Variants in IL1RAPL1 observed in about 807,000 individuals in gnomAD.
The protein encoded by IL1RAPL1 is interleukin-1 receptor accessory protein-like 1.
In IL1RAPL1, 3 loss-of-function variants were observed where a neutral mutation model predicts 48.4. The observed-to-expected ratio is 0.06, with a 90% CI of 0.03 to 0.16. The LOEUF (loss-of-function observed/expected upper bound fraction) is 0.16. Ranked by LOEUF, IL1RAPL1 falls within the 10% of genes least tolerant of loss-of-function variation. The pLI, the probability that IL1RAPL1 is intolerant of heterozygous loss-of-function variation, is 1.00. For missense variants in IL1RAPL1, 349 were observed against 530.6 expected (o/e 0.66, Z 3.36); for synonymous variants, 185 against 187.7 (o/e 0.99, Z 0.12).
intron 1 of IL1RAPL1, among the ~76,000 whole-genome samples, chrX:28,676,794 A>G (rs1050891106): frequency 9.1e-6 from 1 of 109,449 alleles, no homozygotes; most frequent in African/African-American, 3.3e-5. Flanking sequence ...TTTCTTGAGG[A>G]CTTATATTGT....
intron 2 of IL1RAPL1, among the ~76,000 whole-genome samples, chrX:28,903,772 C>T (rs1923145350): frequency 9.0e-6 from 1 of 110,754 alleles, no homozygotes; most frequent in Non-Finnish European, 1.9e-5. Flanking sequence ...TACCTATATG[C>T]ATATATTCTA....
At chrX:29,474,380 A>T (rs189296082) in intron 5 of IL1RAPL1, among the ~76,000 whole-genome samples, 1 of 112,468 alleles carries the variant, frequency 8.9e-6, no homozygotes, top group African/African-American at 3.2e-5. Flanking sequence ...AACCTGGAGT[A>T]AACTGCCTCA....
chrX:29,328,539 A>G (rs1186082552), intron 3 of IL1RAPL1, among the ~76,000 whole-genome samples: 1 of 110,580 alleles, frequency 9.0e-6, no homozygotes. Context: ...TGGAAAGAAA[A>G]GAAAGTAGAC....
At chrX:29,546,820 G>A (rs746503623) in intron 5 of IL1RAPL1, among the ~76,000 whole-genome samples, 1 of 112,074 alleles carries the variant, frequency 8.9e-6, no homozygotes, top group South Asian at 3.7e-4. Context: ...GCCAGTTCTT[G>A]CTTTTGAAAA....
At chrX:29,248,120 A>C (rs776295649) in intron 2 of IL1RAPL1, among the ~76,000 whole-genome samples, 3 of 112,161 alleles carry the variant, frequency 2.7e-5, no homozygotes, top group Non-Finnish European at 5.6e-5. Context: ...AAACACAAAC[A>C]AATAGAAAGT....
intron 2 of IL1RAPL1, among the ~76,000 whole-genome samples, chrX:28,917,133 T>C (rs1460667155): frequency 8.9e-6 from 1 of 111,970 alleles, no homozygotes; most frequent in Non-Finnish European, 1.9e-5. Flanking sequence ...CATTTGAATG[T>C]ATTTTAACTG....
At chrX:28,951,432 T>A (rs990364751) in intron 2 of IL1RAPL1, among the ~76,000 whole-genome samples, 1 of 88,377 alleles carries the variant, frequency 1.1e-5, no homozygotes, top group African/African-American at 4.5e-5. Context: ...AAAAAAAAAA[T>A]TGTCAACTAC....
chrX:29,711,189 C>T (rs200306537), intron 6 of IL1RAPL1, among the ~76,000 whole-genome samples: 8,652 of 91,199 alleles, frequency 0.095, 328 homozygotes, highest in Middle Eastern at 0.28. Flanking sequence ...TTTTTCTTTT[C>T]TTTTTTTTTT....
intron 5 of IL1RAPL1, among the ~76,000 whole-genome samples, chrX:29,526,591 C>A (rs768441484): frequency 9.0e-6 from 1 of 111,222 alleles, no homozygotes; most frequent in East Asian, 2.8e-4. Context: ...AGACAAAATT[C>A]GACAGCTACC....
intron 3 of IL1RAPL1, among the ~76,000 whole-genome samples, chrX:29,323,720 T>C (rs1932821663): frequency 3.1e-4 from 1 of 3,260 alleles, no homozygotes; most frequent in African/African-American, 1.8e-3. Flanking sequence ...TTTTTATATA[T>C]ATATATATAT....
At chrX:29,943,938 T>A (rs1367869911) in intron 9 of IL1RAPL1, among the ~76,000 whole-genome samples, 4 of 111,700 alleles carry the variant, frequency 3.6e-5, no homozygotes, top group Non-Finnish European at 7.5e-5. Context: ...ATGTTTTAAG[T>A]AAGAAAACAA....
At chrX:29,781,505 C>T (rs1929335366) in intron 6 of IL1RAPL1, among the ~76,000 whole-genome samples, 1 of 111,937 alleles carries the variant, frequency 8.9e-6, no homozygotes, top group Non-Finnish European at 1.9e-5. Flanking sequence ...ACAGTGGTAA[C>T]TTTTGTGTGT....
intron 3 of IL1RAPL1, among the ~76,000 whole-genome samples, chrX:29,394,555 T>C (rs1023773570): frequency 2.7e-5 from 3 of 112,547 alleles, no homozygotes; most frequent in African/African-American, 9.7e-5. Flanking sequence ...GTCTCTAAGA[T>C]AGTTCAGGTA....
chrX:29,775,402 G>T (rs1164161654), intron 6 of IL1RAPL1, among the ~76,000 whole-genome samples: 2 of 111,548 alleles, frequency 1.8e-5, no homozygotes, highest in Non-Finnish European at 3.8e-5. Flanking sequence ...AGAAGCAAAA[G>T]GGGACAATAG....
intron 2 of IL1RAPL1, among the ~76,000 whole-genome samples, chrX:29,281,987 G>A (rs1480858130): frequency 9.0e-6 from 1 of 111,164 alleles, no homozygotes; most frequent in East Asian, 2.8e-4. Context: ...TTGTAATCAC[G>A]ATGGAGAGAA....
intron 6 of IL1RAPL1, among the ~76,000 whole-genome samples, chrX:29,852,166 A>G (rs1419171397): frequency 8.9e-6 from 1 of 112,803 alleles, no homozygotes; most frequent in Admixed American, 9.4e-5. Context: ...CCAGAAACTG[A>G]TTTATAAACC....
At chrX:29,108,108 A>G (rs1407144152) in intron 2 of IL1RAPL1, among the ~76,000 whole-genome samples, 1 of 111,989 alleles carries the variant, frequency 8.9e-6, no homozygotes, top group Non-Finnish European at 1.9e-5. Context: ...TCACTCTCCA[A>G]AGGCAATCAG....
At chrX:29,725,615 C>G (rs181319343) in intron 6 of IL1RAPL1, among the ~76,000 whole-genome samples, 241 of 111,755 alleles carry the variant, frequency 2.2e-3, no homozygotes, top group African/African-American at 7.5e-3. Flanking sequence ...TGGTCCATCT[C>G]TGGCATCCTC....
intron 1 of IL1RAPL1, among the ~76,000 whole-genome samples, chrX:28,642,439 G>T (rs771706027): frequency 2.8e-4 from 31 of 111,786 alleles, no homozygotes; most frequent in Non-Finnish European, 1.3e-4. Flanking sequence ...AAATGCAAAA[G>T]AACAGAAATT....
Sources: gnomAD v4.1 joint callset for allele counts (sites outside exome capture counted in the v4.1 genomes callset) on GRCh38, gnomAD v4.1.1 for gene constraint, MANE v1.5 for transcripts, NCBI Gene and HGNC (gene_info 2026-07-23, HGNC 2026-07-21) for gene names.